Variants in CHST11 observed in about 807,000 individuals in gnomAD.
The protein encoded by CHST11 is carbohydrate sulfotransferase 11.
In CHST11, 9 loss-of-function variants were observed where a neutral mutation model predicts 30.4. The observed-to-expected ratio is 0.30, with a 90% CI of 0.18 to 0.52. The LOEUF (loss-of-function observed/expected upper bound fraction) is 0.52, where lower values mean the gene tolerates loss of function less well. Among genes scored for constraint, CHST11 ranks in the 20% least tolerant of loss-of-function variants. The probability of loss-of-function intolerance (pLI) is 0.97; values close to 1 mark genes in which losing one functional copy is unlikely to be tolerated. For missense variants in CHST11, 348 were observed against 460.6 expected, an observed-to-expected ratio of 0.76 and a Z score of 2.24; for synonymous variants, 152 against 187.8, an observed-to-expected ratio of 0.81 and a Z score of 1.56.
chr12:104,730,830 G>A (rs776335522), intron 2 of CHST11, among the ~76,000 whole-genome samples: 3 of 152,274 alleles, frequency 2.0e-5, no homozygotes, highest in South Asian at 2.1e-4. Flanking sequence ...TGGAGTGGAC[G>A]GAAGGTGCAG....
chr12:104,583,758 G>A (rs1265925296), intron 1 of CHST11, among the ~76,000 whole-genome samples: 3 of 150,148 alleles, frequency 2.0e-5, no homozygotes, highest in African/African-American at 5.0e-5. Flanking sequence ...TGTCGCCCAG[G>A]CTGGAGTGTA....
At chr12:104,728,885 T>C (rs1431640406) in intron 2 of CHST11, among the ~76,000 whole-genome samples, 1 of 152,176 alleles carries the variant, frequency 6.6e-6, no homozygotes, top group Non-Finnish European at 1.5e-5. Context: ...ATGGCCAGTA[T>C]CTTTCTTCCA....
chr12:104,675,764 G>T (rs2039736887), intron 2 of CHST11, among the ~76,000 whole-genome samples: 1 of 152,196 alleles, frequency 6.6e-6, no homozygotes, highest in South Asian at 2.1e-4. Context: ...TTGTTTTGAG[G>T]CTTAGATGAT....
chr12:104,752,799 GA>G (rs1171501335), intron 2 of CHST11, among the ~76,000 whole-genome samples: 2 of 152,198 alleles, frequency 1.3e-5, no homozygotes, highest in Non-Finnish European at 2.9e-5. Flanking sequence ...AAAGTGCTGG[GA>G]TTACAGGCCT....
intron 2 of CHST11, among the ~76,000 whole-genome samples, chr12:104,645,996 G>A (rs116567623): frequency 5.9e-5 from 9 of 152,284 alleles, no homozygotes; most frequent in African/African-American, 1.7e-4. Context: ...ACTCTCCAGC[G>A]CTTTGCTCAC....
At chr12:104,565,808 T>C (rs143860675) in intron 1 of CHST11, among the ~76,000 whole-genome samples, 1 of 152,288 alleles carries the variant, frequency 6.6e-6, no homozygotes, top group Non-Finnish European at 1.5e-5. Flanking sequence ...CAGCAGGCCC[T>C]TGAAATTGGG....
At chr12:104,718,174 C>G (rs1324139935) in intron 2 of CHST11, among the ~76,000 whole-genome samples, 1 of 152,136 alleles carries the variant, frequency 6.6e-6, no homozygotes, top group Non-Finnish European at 1.5e-5. Flanking sequence ...TCATGACAGT[C>G]CCTTGAAGTA....
chr12:104,742,039 A>G (rs1303020764), intron 2 of CHST11, among the ~76,000 whole-genome samples: 1 of 152,198 alleles, frequency 6.6e-6, no homozygotes, highest in Non-Finnish European at 1.5e-5. Flanking sequence ...TGTAAGGTTT[A>G]CAGTAGCTAC....
At chr12:104,552,355 C>G in intron 1 of CHST11, 1 of 152,356 alleles carries the variant, frequency 6.6e-6, no homozygotes, top group Non-Finnish European at 1.5e-5. Flanking sequence ...ACCCAGGCTG[C>G]AGTGCAGTGG....
At position 104,457,394 on chromosome 12, in the gene CHST11, C is replaced by G. The variant is rs1273559607; in HGVS notation, c.-18C>G. The G allele has an allele frequency of 1.9e-6, 3 of 1,597,198 alleles. No homozygotes were observed. The highest frequency in any genetic ancestry group is 4.5e-5 in the East Asian group (2 of 44,740). On this transcript the variant is annotated 5_prime_UTR_variant, in exon 1 of 3. Coordinates refer to ENST00000303694, the MANE Select transcript of CHST11 (RefSeq NM_018413.6). ...CGCGCTTCCCGGACACCCCGGTCCC[C>G]GCAGCCAGGACAAAGCCATGAAGCC...
intron 2 of CHST11, among the ~76,000 whole-genome samples, chr12:104,652,725 C>T (rs2559637): frequency 0.41 from 62,716 of 152,060 alleles, 14,166 homozygotes; most frequent in African/African-American, 0.6. Flanking sequence ...CCCAACAGGG[C>T]TCCCGGGTTG....
chr12:104,652,720 C>T (rs1185873742), intron 2 of CHST11, among the ~76,000 whole-genome samples: 2 of 152,234 alleles, frequency 1.3e-5, no homozygotes, highest in African/African-American at 4.8e-5. Flanking sequence ...GAAGCCCCAA[C>T]AGGGCTCCCG....
chr12:104,658,150 A>G (rs1592821635), intron 2 of CHST11, among the ~76,000 whole-genome samples: 1 of 152,284 alleles, frequency 6.6e-6, no homozygotes, highest in Middle Eastern at 3.4e-3. Flanking sequence ...CTTGGTGAGG[A>G]GAGGAGGCAG....
chr12:104,548,802 C>G (rs777584717), intron 1 of CHST11, among the ~76,000 whole-genome samples: 1 of 152,290 alleles, frequency 6.6e-6, no homozygotes, highest in Middle Eastern at 3.4e-3. Context: ...AACTGTCAGC[C>G]AAGGAGGAGG....
intron 2 of CHST11, among the ~76,000 whole-genome samples, chr12:104,628,077 T>C (rs2039234757): frequency 6.6e-6 from 1 of 152,178 alleles, no homozygotes; most frequent in Non-Finnish European, 1.5e-5. Flanking sequence ...CTAATGCCCT[T>C]ATCCCCTTCC....
At position 104,656,225 on chromosome 12, in the gene CHST11, G is replaced by T. The variant is rs2136084964; in HGVS notation, c.204+54234G>T. Among the ~76,000 whole-genome samples the T allele has an allele frequency of 2.0e-5, 3 of 152,282 alleles. 1 individual carries two copies. In the Middle Eastern group the frequency reaches 0.01, roughly 518 times the overall value. On this transcript the variant is annotated intron_variant, in intron 2 of 2. Coordinates refer to ENST00000303694, the MANE Select transcript of CHST11 (RefSeq NM_018413.6). Reference sequence around the variant, plus strand: ...GGAACAGAGGGAAGACCAGATGCTGGGTAGGTAATTAGCAACCCTGCTGTA... The same window carrying T: ...GGAACAGAGGGAAGACCAGATGCTGTGTAGGTAATTAGCAACCCTGCTGTA...
At chr12:104,593,193 T>C (rs536448347) in intron 1 of CHST11, among the ~76,000 whole-genome samples, 2 of 152,288 alleles carry the variant, frequency 1.3e-5, no homozygotes, top group Admixed American at 1.3e-4. Flanking sequence ...GGCTCTTGCT[T>C]TGAGGAGCTG....
intron 2 of CHST11, among the ~76,000 whole-genome samples, chr12:104,739,312 T>A (rs1187932996): frequency 6.6e-6 from 1 of 152,194 alleles, no homozygotes; most frequent in Non-Finnish European, 1.5e-5. Context: ...TTGGGAAAGG[T>A]GTCCTCATCT....
At chr12:104,621,231 G>C (rs2039155940) in intron 2 of CHST11, among the ~76,000 whole-genome samples, 1 of 152,202 alleles carries the variant, frequency 6.6e-6, no homozygotes, top group African/African-American at 2.4e-5. Context: ...CAAAGGATCT[G>C]TTTGGAGAAT....
Sources: allele counts gnomAD v4.1 joint callset (sites outside exome capture counted in the v4.1 genomes callset), GRCh38; gene constraint gnomAD v4.1.1; transcripts MANE v1.5; gene names NCBI Gene and HGNC (gene_info 2026-07-23, HGNC 2026-07-21).